Variants in TG observed in about 807,000 individuals in gnomAD.
The protein encoded by TG is thyroid hormones.
Under a neutral mutation model 324.7 loss-of-function variants are expected in TG, and 270 were observed. The observed-to-expected ratio is 0.83, with a 90% CI of 0.75 to 0.92. The LOEUF (loss-of-function observed/expected upper bound fraction) is 0.92, where lower values mean the gene tolerates loss of function less well. Among genes scored for constraint, TG ranks in the 40% least tolerant of loss-of-function variants. The pLI, the probability that TG is intolerant of heterozygous loss-of-function variation, is 0.00. For synonymous variants in TG, 1,401 were observed against 1,327.0 expected (o/e 1.06, Z -1.21); for missense variants, 3,591 against 3,456.4 (o/e 1.04, Z -0.98).
Position 132,946,797 on chromosome 8 carries a change from G to A in TG, c.5234-1979G>A, listed in dbSNP as rs141409935. On this transcript the variant is annotated intron_variant, in intron 26 of 47. Transcript: ENST00000220616. ...CAGGAGTGCAACTGAAGCTAAGCTG[G>A]CAATGTATGACCAGCAAAGTGACTT... 4.2e-3 allele frequency among the ~76,000 whole-genome samples: 646 copies of A among 152,232 alleles called. 2 individuals carry two copies. Among genetic ancestry groups the A allele is most frequent in the Non-Finnish European group, 6.4e-3 (438 of 68,024 alleles).
intron 4 of TG, among the ~76,000 whole-genome samples, chr8:132,872,578 A>G (rs1174502142): frequency 1.3e-5 from 2 of 151,944 alleles, no homozygotes; most frequent in Non-Finnish European, 2.9e-5. Flanking sequence ...CTCAGTGCAT[A>G]GTGTTGATAA....
intron 41 of TG, chr8:133,049,352 C>T (rs1017288485): frequency 3.3e-5 from 11 of 328,398 alleles, no homozygotes; most frequent in East Asian, 1.5e-4. Flanking sequence ...TAATATTTAT[C>T]GAGTGCTTAC....
At chr8:133,062,226 A>G (rs980339694) in intron 41 of TG, among the ~76,000 whole-genome samples, 4 of 152,168 alleles carry the variant, frequency 2.6e-5, no homozygotes, top group African/African-American at 9.7e-5. Flanking sequence ...CTCACAAACC[A>G]GAAAAACATG....
At position 133,019,616 on chromosome 8, in the gene TG, A is replaced by G. The variant is rs754805539; in HGVS notation, c.6797A>G (p.Gln2266Arg). 5.0e-5 allele frequency: 80 copies of G among 1,613,666 alleles called. No individual in the cohort carries two copies. The highest frequency in any genetic ancestry group is 5.8e-5 in the Non-Finnish European group (68 of 1,179,812). ...TGTATCTGCAGGGCCAGCTGCTGGC[A>G]GCCAGGCACCAGAACATCCACGTCT... ...DASKPRASCW[Q>R]PGTRTSTSPG... The change falls in exon 39 of 48, where the codon CAG becomes CGG. Residue 2266 changes from glutamine (Q) to arginine (R), a missense_variant. By Grantham distance (43) the Gln-to-Arg change is conservative. Coordinates refer to ENST00000220616, the MANE Select transcript of TG (RefSeq NM_003235.5).
At chr8:133,080,884 T>C (rs1012913864) in intron 41 of TG, among the ~76,000 whole-genome samples, 1 of 152,234 alleles carries the variant, frequency 6.6e-6, no homozygotes, top group African/African-American at 2.4e-5. Flanking sequence ...AAGATGTCCA[T>C]GCATCTTCCT....
chr8:133,094,068 G>A (rs1057504027), intron 41 of TG, among the ~76,000 whole-genome samples: 2 of 151,976 alleles, frequency 1.3e-5, no homozygotes, highest in African/African-American at 2.4e-5. Context: ...TCTGAGCTAC[G>A]GGGAGCCCCA....
chr8:132,891,699 G>T (rs1385477629), intron 10 of TG, among the ~76,000 whole-genome samples: 1 of 152,196 alleles, frequency 6.6e-6, no homozygotes. Context: ...TGGAAGAAAT[G>T]TAGAGCAAGC....
rs528488709 is a variant in TG, at chr8:133,018,772, C to T, written c.6782+775C>T. On this transcript the variant is annotated intron_variant, in intron 38 of 47. Transcript: ENST00000220616. Reference sequence around the variant, plus strand: ...ACCCCATGGCTCTATCCTCAGGCAGCTGCAACCTCCATACCCATTATCACC... The same window carrying T: ...ACCCCATGGCTCTATCCTCAGGCAGTTGCAACCTCCATACCCATTATCACC... Among the ~76,000 whole-genome samples, 97 of 152,252 alleles carry T rather than the reference C, an allele frequency of 6.4e-4. 1 individual carries two copies. Among genetic ancestry groups the T allele is most frequent in the African/African-American group, 2.3e-3 (95 of 41,542 alleles).
chr8:132,989,139 T>A (rs1475403385), intron 35 of TG, among the ~76,000 whole-genome samples: 3 of 152,180 alleles, frequency 2.0e-5, no homozygotes, highest in African/African-American at 7.2e-5. Context: ...TTCACTATCA[T>A]GAAAACAGCA....
intron 35 of TG, 170 bp downstream of exon 35, chr8:132,983,582 GC>G: frequency 1.4e-6 from 1 of 690,350 alleles, no homozygotes. Flanking sequence ...CCAGCAACAT[GC>G]CCACTTTGCA....
chr8:132,888,605 G>GTC (rs754731758), intron 10 of TG, 37 bp downstream of exon 10: 4 of 1,530,624 alleles, frequency 2.6e-6, no homozygotes. Flanking sequence ...ATGTGTGTGT[G>GTC]TGTGTGTGTG....
Position 132,933,593 on chromosome 8 carries a change from A to G in TG, c.4849A>G (p.Thr1617Ala). The change falls in exon 24 of 48, where the codon ACC becomes GCC. Residue 1617 changes from threonine to alanine, a missense_variant. By Grantham distance (58) the Thr-to-Ala change is moderately conservative (BLOSUM62 0). Coordinates refer to ENST00000220616, the MANE Select transcript of TG (RefSeq NM_003235.5). Reference sequence around the variant, plus strand: ...AGAGGACGAGGCCTGCAGCTTCTTCACCGTGTCCACGACGGAGCCAGAGAT... The same window carrying G: ...AGAGGACGAGGCCTGCAGCTTCTTCGCCGTGTCCACGACGGAGCCAGAGAT... ...CTEDEACSFF[T>A]VSTTEPEISC... The G allele has an allele frequency of 6.2e-7, 1 of 1,614,098 alleles. No individual in the cohort carries two copies.
At chr8:133,047,023 A>G (rs1237049160) in intron 41 of TG, 1 of 152,200 alleles carries the variant, frequency 6.6e-6, no homozygotes, top group African/African-American at 2.4e-5. Flanking sequence ...ATTATTATTC[A>G]GTCTGGGAAA....
chr8:132,949,191 T>C (rs1034472452), intron 27 of TG, among the ~76,000 whole-genome samples: 1 of 152,254 alleles, frequency 6.6e-6, no homozygotes, highest in Non-Finnish European at 1.5e-5. Context: ...AGGGCAAGTC[T>C]GCTGCTCTCA....
At chr8:132,900,665 G>T (rs962941326) in intron 15 of TG, among the ~76,000 whole-genome samples, 1 of 152,190 alleles carries the variant, frequency 6.6e-6, no homozygotes, top group African/African-American at 2.4e-5. Flanking sequence ...TCTGGTTTCC[G>T]CAGTGAAGCC....
intron 47 of TG, 56 bp from the exon 48 acceptor site, chr8:133,134,620 A>G: frequency 1.4e-6 from 2 of 1,465,102 alleles, no homozygotes; most frequent in Non-Finnish European, 1.9e-6. Flanking sequence ...GGAAGGGACC[A>G]GAGAAGAGAA....
At chr8:132,936,704 C>T (rs977311162) in intron 25 of TG, among the ~76,000 whole-genome samples, 16 of 152,148 alleles carry the variant, frequency 1.1e-4, no homozygotes, top group African/African-American at 1.9e-4. Context: ...CTGAGGTCTG[C>T]GCTCGCTCTT....
At chr8:132,903,632 C>T (rs1818251849) in intron 16 of TG, among the ~76,000 whole-genome samples, 1 of 152,210 alleles carries the variant, frequency 6.6e-6, no homozygotes, top group Admixed American at 6.5e-5. Flanking sequence ...GTCCTGGGGT[C>T]CTGGAGTTGA....
chr8:132,893,250 G>T (rs1816556494), intron 10 of TG, among the ~76,000 whole-genome samples: 1 of 147,262 alleles, frequency 6.8e-6, no homozygotes, highest in African/African-American at 2.5e-5. Context: ...TATGTGTGTG[G>T]TGTGTATGTG....
Sources: allele counts gnomAD v4.1 joint callset (sites outside exome capture counted in the v4.1 genomes callset), GRCh38; gene constraint gnomAD v4.1.1; transcripts MANE v1.5; gene names NCBI Gene and HGNC (gene_info 2026-07-23, HGNC 2026-07-21).